EXOC4: variants seen among roughly 807,000 people sequenced by gnomAD.
The protein encoded by EXOC4 is exocyst complex component 4.
EXOC4 carries 71 observed loss-of-function variants against 107.2 expected under a neutral mutation model. That is an observed-to-expected ratio of 0.66 (90% confidence interval 0.55 to 0.81). EXOC4 has a LOEUF of 0.81. Among genes scored for constraint, EXOC4 ranks in the 30% least tolerant of loss-of-function variants. The pLI, the probability that EXOC4 is intolerant of heterozygous loss-of-function variation, is 0.00. For synonymous variants in EXOC4, 456 were observed against 441.2 expected, an observed-to-expected ratio of 1.03 and a Z score of -0.42; for missense variants, 1,108 against 1,189.6, an observed-to-expected ratio of 0.93 and a Z score of 1.01.
intron 6 of EXOC4, among the ~76,000 whole-genome samples, chr7:133,371,304 G>C (rs368050401): frequency 1.3e-5 from 2 of 152,114 alleles, no homozygotes; most frequent in South Asian, 2.1e-4. Flanking sequence ...TTGGTTTTTA[G>C]TACATTCATA....
chr7:133,468,942 A>G (rs867969284), intron 7 of EXOC4, among the ~76,000 whole-genome samples: 3 of 152,170 alleles, frequency 2.0e-5, no homozygotes, highest in Admixed American at 6.5e-5. Flanking sequence ...CCATTATTTA[A>G]TATAGGCACA....
intron 9 of EXOC4, among the ~76,000 whole-genome samples, chr7:133,521,997 T>A (rs530748116): frequency 5.3e-5 from 8 of 152,048 alleles, no homozygotes; most frequent in East Asian, 1.9e-4. Context: ...TTTTTTTTTT[T>A]AAACTGGATT....
intron 11 of EXOC4, among the ~76,000 whole-genome samples, chr7:133,854,310 G>A (rs1798301680): frequency 6.6e-6 from 1 of 151,768 alleles, no homozygotes; most frequent in African/African-American, 2.4e-5. Flanking sequence ...GACCAAGGAT[G>A]GTGTTCTCTT....
chr7:133,304,888 C>T (rs1794718183), intron 3 of EXOC4, among the ~76,000 whole-genome samples: 1 of 152,194 alleles, frequency 6.6e-6, no homozygotes, highest in Admixed American at 6.5e-5. Flanking sequence ...CATTTCATCC[C>T]TGAGGGAGCT....
intron 10 of EXOC4, among the ~76,000 whole-genome samples, chr7:133,763,567 A>T (rs2151154359): frequency 6.6e-6 from 1 of 152,200 alleles, no homozygotes; most frequent in East Asian, 1.9e-4. Context: ...TGTTGGAAGA[A>T]GTAAATGAGT....
intron 1 of EXOC4, among the ~76,000 whole-genome samples, chr7:133,255,978 C>CT (rs34708213): frequency 0.2 from 29,001 of 144,058 alleles, 3,026 homozygotes; most frequent in East Asian, 0.28. Context: ...TTCATTATTC[C>CT]TTTTTTTTTT....
At chr7:133,988,992 A>G (rs938029070) in intron 14 of EXOC4, among the ~76,000 whole-genome samples, 7 of 152,172 alleles carry the variant, frequency 4.6e-5, no homozygotes, top group African/African-American at 1.2e-4. Context: ...ACTCATATTT[A>G]ATTAGATAAA....
chr7:133,276,785 T>C (rs919846370), intron 2 of EXOC4, among the ~76,000 whole-genome samples: 2 of 152,202 alleles, frequency 1.3e-5, no homozygotes, highest in African/African-American at 4.8e-5. Flanking sequence ...ATCTTCATGT[T>C]TTGTTTTCTG....
intron 9 of EXOC4, among the ~76,000 whole-genome samples, chr7:133,523,674 T>C (rs1175702984): frequency 6.6e-6 from 1 of 151,674 alleles, no homozygotes; most frequent in Admixed American, 6.6e-5. Context: ...TTCCCACCTA[T>C]GAGTGAGAAT....
At chr7:134,066,276 G>A (rs185572616), downstream of EXOC4, 2 of 152,280 alleles carry the variant, frequency 1.3e-5, no homozygotes, top group East Asian at 3.9e-4. Context: ...AACCCGGAGT[G>A]GTGACAGTGA....
chr7:133,764,325 A>T (rs949422314), intron 10 of EXOC4, among the ~76,000 whole-genome samples: 2 of 152,014 alleles, frequency 1.3e-5, no homozygotes, highest in Non-Finnish European at 2.9e-5. Flanking sequence ...CCCACCATTA[A>T]AAAAACCTAT....
chr7:133,564,736 A>C (rs1162007316), intron 9 of EXOC4, among the ~76,000 whole-genome samples: 1 of 152,152 alleles, frequency 6.6e-6, no homozygotes, highest in Non-Finnish European at 1.5e-5. Context: ...ATATTTTTTA[A>C]GATTTGTAAT....
intron 10 of EXOC4, among the ~76,000 whole-genome samples, chr7:133,674,888 T>C (rs1438410466): frequency 6.6e-6 from 1 of 152,148 alleles, no homozygotes; most frequent in Non-Finnish European, 1.5e-5. Flanking sequence ...GGATGTCATT[T>C]ATATACCTGA....
intron 10 of EXOC4, among the ~76,000 whole-genome samples, chr7:133,644,029 C>T (rs7780456): frequency 0.42 from 63,969 of 151,988 alleles, 14,435 homozygotes; most frequent in Admixed American, 0.56. Context: ...CAAGGGGACC[C>T]GGCCTCCCGT....
intron 10 of EXOC4, among the ~76,000 whole-genome samples, chr7:133,763,524 A>T (rs1369036557): frequency 6.6e-6 from 1 of 152,096 alleles, no homozygotes; most frequent in Non-Finnish European, 1.5e-5. Context: ...TTGCTCCCCG[A>T]GTTTGCTCAT....
At chr7:133,862,504 A>G (rs1292269601) in intron 11 of EXOC4, among the ~76,000 whole-genome samples, 3 of 152,128 alleles carry the variant, frequency 2.0e-5, no homozygotes, top group East Asian at 3.9e-4. Context: ...AAAAAAAAAG[A>G]GCCTCATTCC....
chr7:133,516,721 G>T (rs989457673), intron 9 of EXOC4, among the ~76,000 whole-genome samples: 1 of 116,076 alleles, frequency 8.6e-6, no homozygotes, highest in East Asian at 2.8e-4. Context: ...GGTCATTCGG[G>T]GTTTATTCTT....
intron 14 of EXOC4, among the ~76,000 whole-genome samples, chr7:133,992,214 AT>A (rs369677495): frequency 2.6e-5 from 4 of 151,252 alleles, no homozygotes; most frequent in Admixed American, 6.6e-5. Context: ...TGTAAATTGG[AT>A]TTTTTTTCTT....
At chr7:133,339,682 T>C (rs1338929835) in intron 5 of EXOC4, among the ~76,000 whole-genome samples, 1 of 152,226 alleles carries the variant, frequency 6.6e-6, no homozygotes, top group Non-Finnish European at 1.5e-5. Flanking sequence ...CTATGACTTC[T>C]TTCAGCAGTG....
Sources: allele counts gnomAD v4.1 joint callset (sites outside exome capture counted in the v4.1 genomes callset), GRCh38; gene constraint gnomAD v4.1.1; transcripts MANE v1.5; gene names NCBI Gene and HGNC (gene_info 2026-07-23, HGNC 2026-07-21).